OSBPL9: variants seen among roughly 807,000 people sequenced by gnomAD.
The protein encoded by OSBPL9 is oxysterol binding protein like 9.
A neutral mutation model predicts 106.6 loss-of-function variants in OSBPL9; 40 were observed. The observed-to-expected ratio is 0.38, with a 90% CI of 0.29 to 0.49. OSBPL9 has a LOEUF of 0.49. OSBPL9 is among the 20% of genes least tolerant of loss of function. The pLI, the probability that OSBPL9 is intolerant of heterozygous loss-of-function variation, is 0.97. For missense variants in OSBPL9, 609 were observed against 887.2 expected (o/e 0.69, Z 3.98); for synonymous variants, 269 against 295.4 (o/e 0.91, Z 0.92).
chr1:51,746,573 G>C, intron 5 of OSBPL9, 137 bp from the exon 6 acceptor site: 1 of 594,602 alleles, frequency 1.7e-6, no homozygotes, highest in South Asian at 2.8e-5. Flanking sequence ...AAAAATACAT[G>C]TTGTCTTGAA....
chr1:51,702,129 G>A (rs1467545496), intron 3 of OSBPL9, among the ~76,000 whole-genome samples: 2 of 152,188 alleles, frequency 1.3e-5, no homozygotes, highest in Non-Finnish European at 2.9e-5. Context: ...TGTCTTTATA[G>A]CAGCATGATT....
chr1:51,584,491 A>G (rs767331783), intron 1 of OSBPL9, among the ~76,000 whole-genome samples: 12 of 152,256 alleles, frequency 7.9e-5, no homozygotes, highest in South Asian at 2.1e-4. Context: ...AGGCAGGTGG[A>G]TCGCCTGAGG....
At chr1:51,772,002 C>T (rs928278701) in intron 12 of OSBPL9, 68 bp from the exon 13 acceptor site, 17 of 1,145,396 alleles carry the variant, frequency 1.5e-5, no homozygotes, top group South Asian at 2.8e-5. Flanking sequence ...GCTAACTGTA[C>T]GAGTCTAGCT....
Position 51,617,573 on chromosome 1 carries a change from C to T in OSBPL9, c.111+352C>T, listed in dbSNP as rs75361237. On this transcript the variant is annotated intron_variant, in intron 1 of 23. Transcript: ENST00000428468. ...GGTCCAGTCTTGCGGTTCATGCTGT[C>T]TTCATATGTTGTCATGGACTTTACA... Among the ~76,000 whole-genome samples the T allele has an allele frequency of 1.8e-3, 270 of 152,184 alleles. 2 individuals carry two copies. The highest frequency in any genetic ancestry group is 6.2e-3 in the African/African-American group (258 of 41,502).
At chr1:51,561,473 T>G in the OSBPL9 span, 1 of 152,126 alleles carries the variant, frequency 6.6e-6, no homozygotes, top group Non-Finnish European at 1.5e-5. Context: ...TTTTTCAGAT[T>G]CACTGATTCT....
intron 1 of OSBPL9, among the ~76,000 whole-genome samples, chr1:51,624,582 C>G (rs1400415077): frequency 6.6e-6 from 1 of 151,538 alleles, no homozygotes; most frequent in Non-Finnish European, 1.5e-5. Flanking sequence ...GAGACTCTGT[C>G]TCAAAAAATA....
chr1:51,777,122 T>C (rs576474716), intron 15 of OSBPL9, among the ~76,000 whole-genome samples: 5 of 152,196 alleles, frequency 3.3e-5, no homozygotes, highest in African/African-American at 9.7e-5. Flanking sequence ...TTTAACACTT[T>C]AAAAAATTCT....
chr1:51,702,018 G>T (rs1231219817), intron 3 of OSBPL9, among the ~76,000 whole-genome samples: 1 of 152,144 alleles, frequency 6.6e-6, no homozygotes, highest in East Asian at 1.9e-4. Flanking sequence ...TGGTGTATAT[G>T]TGCCACATTT....
At chr1:51,708,264 C>CTTTTTTTTTTTTTTTTT (rs71063050) in intron 3 of OSBPL9, 3 of 130,278 alleles carry the variant, frequency 2.3e-5, no homozygotes, top group Non-Finnish European at 3.3e-5. Context: ...TTTTCTTTTT[C>CTTTTTTTTTTTTTTTTT]TTTTTTTTTT....
the OSBPL9 span, among the ~76,000 whole-genome samples, chr1:51,522,544 AT>A: frequency 6.6e-6 from 1 of 152,162 alleles, no homozygotes; most frequent in African/African-American, 2.4e-5. Context: ...ACCAATGACA[AT>A]TTGCAAATGT....
intron 15 of OSBPL9, among the ~76,000 whole-genome samples, chr1:51,778,463 CAT>C (rs2149130744): frequency 6.6e-6 from 1 of 152,194 alleles, no homozygotes; most frequent in African/African-American, 2.4e-5. Flanking sequence ...AAACACTAAA[CAT>C]AGCAAAAACT....
the OSBPL9 span, among the ~76,000 whole-genome samples, chr1:51,550,498 C>T: frequency 3.2e-4 from 48 of 152,190 alleles, no homozygotes; most frequent in African/African-American, 1.1e-3. Context: ...CTAATACATA[C>T]GTTTTTATTT....
intron 1 of OSBPL9, among the ~76,000 whole-genome samples, chr1:51,649,570 A>G (rs533972267): frequency 6.6e-6 from 1 of 151,628 alleles, no homozygotes; most frequent in African/African-American, 2.4e-5. Flanking sequence ...CTTTCTTTTT[A>G]TCAGATTTCT....
chr1:51,766,111 C>CT (rs1169392748), intron 12 of OSBPL9, 130 bp downstream of exon 12: 3 of 958,562 alleles, frequency 3.1e-6, no homozygotes, highest in Non-Finnish European at 4.4e-6. Flanking sequence ...AAAGGGCAAC[C>CT]TTTTTAATAG....
At chr1:51,718,317 G>C (rs1661450502) in intron 4 of OSBPL9, among the ~76,000 whole-genome samples, 1 of 152,112 alleles carries the variant, frequency 6.6e-6, no homozygotes, top group South Asian at 2.1e-4. Context: ...ATAGTCAACA[G>C]TAATTATACA....
At chr1:51,639,798 G>T (rs976243986) in intron 1 of OSBPL9, among the ~76,000 whole-genome samples, 1 of 150,740 alleles carries the variant, frequency 6.6e-6, no homozygotes, top group Non-Finnish European at 1.5e-5. Flanking sequence ...TAACAGATTC[G>T]GGGAGGCATT....
At chr1:51,540,336 C>G in the OSBPL9 span, among the ~76,000 whole-genome samples, 1 of 152,006 alleles carries the variant, frequency 6.6e-6, no homozygotes, top group East Asian at 1.9e-4. Flanking sequence ...CATCTTGGCC[C>G]CATATTTGTT....
the OSBPL9 span, among the ~76,000 whole-genome samples, chr1:51,546,131 C>T: frequency 6.6e-6 from 1 of 152,020 alleles, no homozygotes; most frequent in African/African-American, 2.4e-5. Context: ...ATCCTCTCAC[C>T]TCAGCCCCCA....
At chr1:51,683,479 C>T (rs1032530765) in intron 3 of OSBPL9, among the ~76,000 whole-genome samples, 2 of 151,730 alleles carry the variant, frequency 1.3e-5, no homozygotes, top group South Asian at 4.2e-4. Flanking sequence ...TGTGCCCAGC[C>T]GAGACCAAGT....
Sources: allele counts gnomAD v4.1 joint callset (sites outside exome capture counted in the v4.1 genomes callset), GRCh38; gene constraint gnomAD v4.1.1; transcripts MANE v1.5; gene names NCBI Gene and HGNC (gene_info 2026-07-23, HGNC 2026-07-21).